Variants in ANKS1B observed in about 807,000 individuals in gnomAD.
ANKS1B encodes the protein ankyrin repeat and sterile alpha motif domain containing 1B.
ANKS1B carries 36 observed loss-of-function variants against 148.3 expected under a neutral mutation model. The ratio of observed to expected loss-of-function variants is 0.24; its 90% CI spans 0.19 to 0.32. The LOEUF (loss-of-function observed/expected upper bound fraction) is 0.32. Ranked by LOEUF, ANKS1B falls within the 10% of genes least tolerant of loss-of-function variation. ANKS1B has a pLI of 1.00. For missense variants in ANKS1B, 1,157 were observed against 1,542.6 expected (o/e 0.75, Z 4.19); for synonymous variants, 542 against 560.8 (o/e 0.97, Z 0.47).
At chr12:98,978,493 C>CGT (rs2099901951) in intron 17 of ANKS1B, among the ~76,000 whole-genome samples, 1 of 151,560 alleles carries the variant, frequency 6.6e-6, no homozygotes, top group South Asian at 2.1e-4. Context: ...TGTGTGTGTG[C>CGT]GTGTGTGTGT....
At chr12:99,843,461 T>C (rs181397274) in intron 1 of ANKS1B, among the ~76,000 whole-genome samples, 1 of 152,126 alleles carries the variant, frequency 6.6e-6, no homozygotes, top group Non-Finnish European at 1.5e-5. Context: ...CGTGTGTCCA[T>C]GGGTTCTCAT....
chr12:99,222,440 C>A (rs1188752144), intron 14 of ANKS1B, among the ~76,000 whole-genome samples: 1 of 152,116 alleles, frequency 6.6e-6, no homozygotes, highest in Non-Finnish European at 1.5e-5. Context: ...TACGGCAAAA[C>A]CCCATCTCTA....
intron 9 of ANKS1B, among the ~76,000 whole-genome samples, chr12:99,523,663 C>T (rs2096898350): frequency 6.6e-6 from 1 of 150,752 alleles, no homozygotes; most frequent in Non-Finnish European, 1.5e-5. Flanking sequence ...ACACAATTCT[C>T]CTGCCTCAGC....
In ANKS1B at chr12:99,122,991, A is replaced by ATAT. The variant is rs1555271635; in HGVS notation, c.2526+31297_2526+31298insATA. Among the ~76,000 whole-genome samples the ATAT allele has an allele frequency of 3.1e-4, 6 of 19,440 alleles. No homozygotes were observed. In the East Asian group the frequency reaches 0.014, roughly 45 times the overall value. The allele number at this position is 19,440 out of a possible 152,430, so 12.8% of individuals were successfully genotyped here. ...GCTAGAAATAAATCAGTAAAATTAA[A>ATAT]AAAAAAATATATATATATATATAAA... On this transcript the variant is annotated intron_variant, in intron 15 of 26. Coordinates refer to ENST00000683438, the MANE Select transcript of ANKS1B (RefSeq NM_001352186.2).
intron 14 of ANKS1B, among the ~76,000 whole-genome samples, chr12:99,172,661 T>C (rs1247250431): frequency 6.6e-6 from 1 of 152,158 alleles, no homozygotes; most frequent in African/African-American, 2.4e-5. Context: ...CTTAGCTTGA[T>C]AGCCATGGCA....
chr12:99,086,438 A>G (rs2372641), intron 15 of ANKS1B, among the ~76,000 whole-genome samples: 87,493 of 152,014 alleles, frequency 0.58, 25,859 homozygotes, highest in East Asian at 0.75. Context: ...CAGATATTGC[A>G]TGCCATGCTG....
At chr12:99,954,989 C>A (rs2095293685) in intron 1 of ANKS1B, among the ~76,000 whole-genome samples, 1 of 152,160 alleles carries the variant, frequency 6.6e-6, no homozygotes, top group African/African-American at 2.4e-5. Flanking sequence ...CCTTTGTCTG[C>A]CTTGACCATT....
intron 17 of ANKS1B, among the ~76,000 whole-genome samples, chr12:98,879,556 C>T (rs1454502775): frequency 4.6e-5 from 7 of 152,054 alleles, no homozygotes; most frequent in Non-Finnish European, 1.0e-4. Flanking sequence ...TTTGCAGTTC[C>T]TCATTTTTCT....
At chr12:99,889,963 T>C (rs1268429045) in intron 1 of ANKS1B, among the ~76,000 whole-genome samples, 1 of 152,114 alleles carries the variant, frequency 6.6e-6, no homozygotes, top group Non-Finnish European at 1.5e-5. Context: ...GTGATTCCAA[T>C]GTGAACTCCA....
chr12:99,445,272 C>A (rs952929907), intron 10 of ANKS1B, among the ~76,000 whole-genome samples: 3 of 151,982 alleles, frequency 2.0e-5, no homozygotes, highest in African/African-American at 7.2e-5. Context: ...TGTAAGAACA[C>A]TTATTTGGGG....
chr12:99,633,610 G>C (rs1206854717), intron 9 of ANKS1B, among the ~76,000 whole-genome samples: 1 of 152,078 alleles, frequency 6.6e-6, no homozygotes, highest in Non-Finnish European at 1.5e-5. Flanking sequence ...CAAAAGCAAT[G>C]GCAATAAAAG....
At chr12:99,466,475 C>T (rs972958317) in intron 10 of ANKS1B, among the ~76,000 whole-genome samples, 24 of 151,644 alleles carry the variant, frequency 1.6e-4, no homozygotes, top group African/African-American at 5.1e-4. Flanking sequence ...ACAAAAAACC[C>T]TTCAAAAAAT....
intron 10 of ANKS1B, among the ~76,000 whole-genome samples, chr12:99,478,968 TTTAC>T (rs1355472467): frequency 1.3e-5 from 2 of 152,060 alleles, no homozygotes; most frequent in African/African-American, 4.8e-5. Context: ...TTTGACCCAA[TTTAC>T]TTAAAATATT....
chr12:98,773,080 T>C lies in ANKS1B; in HGVS notation c.3541A>G (p.Asn1181Asp), dbSNP rs530191569. 5.0e-6 allele frequency: 8 copies of C among 1,614,026 alleles called. No homozygotes were observed. The East Asian group carries it at 1.8e-4, about 36-fold the overall frequency. ...FAYITKDLKS[N>D]HHYCHVFTAF... ...GTAAACACATGACAGTAGTGGTGAT[T>C]AGACTTCAAATCTTTTGTGATATAG... Residue 1181 changes from asparagine to aspartate, a missense_variant, in exon 25 of 27, where the codon AAT becomes GAT. Asn to Asp is a conservative substitution (Grantham distance 23). This residue lies in a region of ANKS1B where 258 missense variants were observed against 497.0 expected (regional missense o/e 0.52). Transcript: ENST00000683438.
chr12:99,436,855 C>T (rs115560902), intron 11 of ANKS1B, among the ~76,000 whole-genome samples: 260 of 152,050 alleles, frequency 1.7e-3, no homozygotes, highest in African/African-American at 5.8e-3. Flanking sequence ...GTCTTGAGAG[C>T]TCTGAGCCTT....
At chr12:99,210,067 C>T (rs963149828) in intron 14 of ANKS1B, among the ~76,000 whole-genome samples, 8 of 152,312 alleles carry the variant, frequency 5.3e-5, no homozygotes, top group African/African-American at 1.7e-4. Context: ...TGGCCAGAAG[C>T]CCCTCTCAGG....
intron 16 of ANKS1B, among the ~76,000 whole-genome samples, chr12:99,056,902 C>T (rs1019607401): frequency 3.3e-5 from 5 of 152,130 alleles, no homozygotes; most frequent in African/African-American, 1.2e-4. Context: ...TAGGTGTCAC[C>T]AACATAAGTC....
At chr12:99,435,362 C>T (rs553983815) in intron 11 of ANKS1B, among the ~76,000 whole-genome samples, 3 of 152,150 alleles carry the variant, frequency 2.0e-5, no homozygotes, top group African/African-American at 7.2e-5. Flanking sequence ...ATGTAGCCAA[C>T]ATCTTCTTAA....
Position 98,829,350 on chromosome 12 carries a change from G to A in ANKS1B, c.2890C>T (p.Pro964Ser), listed in dbSNP as rs1439646409. The A allele has an allele frequency of 1.2e-6, 2 of 1,612,728 alleles. No individual in the cohort carries two copies. The highest frequency in any genetic ancestry group is 1.7e-6 in the Non-Finnish European group (2 of 1,179,386). ...TGAGGAGGAGTGTGATTACCACTGG[G>A]TTCCTGAATGGAAATACATCATGAA... ...KPPRSITLRE[P>S]SGNHTPPQLS... The change falls in exon 19 of 27, where the codon CCC becomes TCC. Residue 964 changes from proline (P) to serine (S), a missense_variant. Coordinates refer to ENST00000683438, the MANE Select transcript of ANKS1B (RefSeq NM_001352186.2). This position sits in a 1 kb window ranked among gnomAD's most constrained non-coding sequence, Gnocchi z 5.2.
Sources: allele counts gnomAD v4.1 joint callset (sites outside exome capture counted in the v4.1 genomes callset), GRCh38; gene constraint gnomAD v4.1.1; regional missense constraint gnomAD v4.1.1; non-coding constraint Gnocchi (gnomAD v3.1); transcripts MANE v1.5; gene names NCBI Gene and HGNC (gene_info 2026-07-23, HGNC 2026-07-21).